AHNAK2: variants seen among roughly 807,000 people sequenced by gnomAD.
The protein encoded by AHNAK2 is protein AHNAK2.
AHNAK2 carries 18 observed loss-of-function variants against 30.7 expected under a neutral mutation model. The observed-to-expected ratio is 0.59, with a 90% CI of 0.41 to 0.87. The LOEUF is 0.87. AHNAK2 is among the 40% of genes least tolerant of loss of function. The pLI is 0.00. For missense variants in AHNAK2, 8,604 were observed against 7,373.0 expected, an observed-to-expected ratio of 1.17 and a Z score of -6.11; for synonymous variants, 3,590 against 3,073.8, an observed-to-expected ratio of 1.17 and a Z score of -5.56.
In AHNAK2 at chr14:104,943,086, G is replaced by A. The variant is rs779320228; in HGVS notation, c.12365C>T (p.Ala4122Val). 8.1e-6 allele frequency: 13 copies of A among 1,613,022 alleles called. 1 individual carries two copies. In the African/African-American group the frequency reaches 1.3e-4, roughly 17 times the overall value. ...GVQLEGDLSL[A>V]DKDVTAKDSK... ...GTCTTTGGCAGTCACATCCTTGTCG[G>A]CCAGGGACAGGTCCCCCTCCAGCTG... The change falls in exon 7 of 7, where the codon GCC becomes GTC. Residue 4122 changes from alanine (A) to valine (V), a missense_variant. Transcript: ENST00000333244.
At position 104,950,394 on chromosome 14, in the gene AHNAK2, G is replaced by A. The variant is rs200117851; in HGVS notation, c.5057C>T (p.Pro1686Leu). ...GAGGCTCACATCAGCTTCCACCTTC[G>A]GCTCAGACACATCCACCGAGGCCTC... is the stretch of plus-strand genomic sequence containing the variant. Reference protein sequence around the residue: ...SIEASVDVSEPKVEADVSLPS... With the variant: ...SIEASVDVSELKVEADVSLPS... Residue 1686 changes from proline (P) to leucine (L), a missense_variant, in exon 7 of 7, where the codon CCG becomes CTG. Coordinates refer to ENST00000333244, the MANE Select transcript of AHNAK2 (RefSeq NM_138420.4). 6.5e-4 allele frequency: 1,036 copies of A among 1,585,056 alleles called. 115 individuals are homozygous for A. The highest frequency in any genetic ancestry group is 3.8e-3 in the African/African-American group (272 of 72,282).
chr14:104,966,766 T>C lies in AHNAK2; in HGVS notation c.56-9094A>G, dbSNP rs1899314238. 6.6e-6 allele frequency among the ~76,000 whole-genome samples: 1 copy of C among 152,028 alleles called. No individual in the cohort carries two copies. The highest frequency in any genetic ancestry group is 2.1e-4 in the South Asian group (1 of 4,822). On this transcript the variant is annotated intron_variant, in intron 1 of 6. Coordinates refer to ENST00000333244, the MANE Select transcript of AHNAK2 (RefSeq NM_138420.4). The surrounding 1 kb of genome is among the most constrained non-coding windows in gnomAD (Gnocchi z 4.3). ...CCAGCCACACCAGACCCACAACAAA[T>C]TCGTGGGACGGGGTGGTGCCAAGGA...
At position 104,944,751 on chromosome 14, in the gene AHNAK2, G is replaced by T. The variant is rs757299016; in HGVS notation, c.10700C>A (p.Pro3567His). The T allele has an allele frequency of 6.2e-7, 1 of 1,612,280 alleles. No homozygotes were observed. The highest frequency in any genetic ancestry group is 1.1e-5 in the South Asian group (1 of 90,864). ...CTGGGGGCCCTTGAGGTCCACTTTG[G>T]GCGTCTTTAAACTGGGCATCTCCAC... Reference protein sequence around the residue: ...PKVEMPSLKTPKVDLKGPQID... With the variant: ...PKVEMPSLKTHKVDLKGPQID... Residue 3567 changes from proline to histidine, a missense_variant, in exon 7 of 7, where the codon CCC (proline) becomes CAC (histidine). Physicochemically the swap from Pro to His is moderately conservative, Grantham distance 77. Transcript: ENST00000333244.
At chr14:104,968,255 G>A (rs1252442482) in intron 1 of AHNAK2, among the ~76,000 whole-genome samples, 1 of 152,202 alleles carries the variant, frequency 6.6e-6, no homozygotes, top group Non-Finnish European at 1.5e-5. Flanking sequence ...AGGGCAGGTG[G>A]GGGTGGTACC....
In AHNAK2 at chr14:104,940,632, G is replaced by T. The variant is rs1273614802; in HGVS notation, c.14819C>A (p.Pro4940His). Residue 4940 changes from proline to histidine, a missense_variant, in exon 7 of 7, where the codon CCT becomes CAT. Coordinates refer to ENST00000333244, the MANE Select transcript of AHNAK2 (RefSeq NM_138420.4). This position sits in a 1 kb window ranked among gnomAD's most constrained non-coding sequence, Gnocchi z 4.4. ...CCCTTCGTGGTCAGCATCTTCAGAAGGGGCTTCTCCAGGGGCCACTACTGA... is the reference window on the plus strand; with the variant it reads ...CCCTTCGTGGTCAGCATCTTCAGAATGGGCTTCTCCAGGGGCCACTACTGA... The part of the protein sequence containing the change: ...QTSVVAPGEA[P>H]SEDADHEGKG... 1.2e-6 allele frequency: 2 copies of T among 1,613,614 alleles called. No individual in the cohort carries two copies. Among genetic ancestry groups the T allele is most frequent in the African/African-American group, 2.7e-5 (2 of 75,034 alleles).
rs1898051992 is a variant in AHNAK2 at position 104,942,717 on chromosome 14, A to C, written c.12734T>G (p.Leu4245Arg). Residue 4245 changes from leucine (L) to arginine (R), a missense_variant, in exon 7 of 7, where the codon CTG becomes CGG. By Grantham distance (102) the Leu-to-Arg change is moderately radical (BLOSUM62 -2). Coordinates refer to ENST00000333244, the MANE Select transcript of AHNAK2 (RefSeq NM_138420.4). ...QVDVKGPKLD[L>R]KGPKADVMTP... ...CATCACATCCGCCTTGGGGCCTTTC[A>C]GGTCCAGCTTGGGGCCCTTGACATC... is the stretch of plus-strand genomic sequence containing the variant. 12 of 1,613,164 alleles carry C rather than the reference A, an allele frequency of 7.4e-6. No homozygotes were observed. Among genetic ancestry groups the C allele is most frequent in the Non-Finnish European group, 1.0e-5 (12 of 1,179,664 alleles).
In AHNAK2 at chr14:104,955,482, C is replaced by A; in HGVS notation, c.466+1G>T. On this transcript the variant is annotated splice_donor_variant, in intron 5 of 6. Coordinates refer to ENST00000333244, the MANE Select transcript of AHNAK2 (RefSeq NM_138420.4). LOFTEE classifies it high-confidence loss of function. ...CCCCAGGGATGGAACTGCCATGGCA[C>A]CTTCTCTCAAGTTAAAAAGCTTGGC... The A allele has an allele frequency of 1.2e-6, 2 of 1,612,422 alleles. No individual in the cohort carries two copies. The highest frequency in any genetic ancestry group is 2.2e-5 in the East Asian group (1 of 44,878).
chr14:104,948,022 T>C lies in AHNAK2; in HGVS notation c.7429A>G (p.Thr2477Ala), dbSNP rs1174150322. 1.2e-6 allele frequency: 2 copies of C among 1,612,198 alleles called. No individual in the cohort carries two copies. The highest frequency in any genetic ancestry group is 1.3e-5 in the African/African-American group (1 of 74,110). ...GDLSVADKDV[T>A]TKDSRFKIPK... ...ATTTTGAACCTGCTGTCTTTGGTAG[T>C]CACATCCTTGTCCGCCACAGACAGG... The change falls in exon 7 of 7, where the codon ACT becomes GCT. Residue 2477 changes from threonine (T) to alanine (A), a missense_variant. Transcript: ENST00000333244.
chr14:104,971,775 C>G (rs200988572), intron 1 of AHNAK2, among the ~76,000 whole-genome samples: 9 of 152,254 alleles, frequency 5.9e-5, no homozygotes, highest in African/African-American at 2.2e-4. Flanking sequence ...AGCTGTGCTA[C>G]GTGTAGCCCC....
chr14:104,948,543 T>C lies in AHNAK2; in HGVS notation c.6908A>G (p.Asp2303Gly), dbSNP rs1898445406. The C allele has an allele frequency of 6.2e-7, 1 of 1,612,080 alleles. No individual in the cohort carries two copies. The highest frequency in any genetic ancestry group is 1.1e-5 in the South Asian group (1 of 91,042). Residue 2303 changes from aspartate to glycine, a missense_variant, in exon 7 of 7, where the codon GAC becomes GGC. Physicochemically the swap from Asp to Gly is moderately conservative, Grantham distance 94. Coordinates refer to ENST00000333244, the MANE Select transcript of AHNAK2 (RefSeq NM_138420.4). ...AKLDGARLEG[D>G]MSLADKDVTA... The stretch of plus-strand genomic sequence containing the variant: ...CACGTCCTTGTCGGCCAGGGACATG[T>C]CCCCCTCCAGCCGCGCACCATCCAG...
rs769622884 is a variant in AHNAK2 at position 104,953,097 on chromosome 14, G to A, written c.2354C>T (p.Ala785Val). ...GPKLDLKGPK[A>V]EVTAPDVKMS... ...CTTCACATCGGGGGCTGTCACTTCCGCCTTGGGGCCTTTCAGGTCCAGCTT... is the reference window on the plus strand; with the variant it reads ...CTTCACATCGGGGGCTGTCACTTCCACCTTGGGGCCTTTCAGGTCCAGCTT... The change falls in exon 7 of 7, where the codon GCG becomes GTG. Residue 785 changes from alanine to valine, a missense_variant. Coordinates refer to ENST00000333244, the MANE Select transcript of AHNAK2 (RefSeq NM_138420.4). The A allele has an allele frequency of 3.2e-5, 52 of 1,612,544 alleles. No homozygotes were observed. Among genetic ancestry groups the A allele is most frequent in the Middle Eastern group, 1.6e-4 (1 of 6,078 alleles).
At position 104,949,940 on chromosome 14, in the gene AHNAK2, G is replaced by C. The variant is rs570414142; in HGVS notation, c.5511C>G (p.Ala1837=). The part of the protein sequence containing the change: ...KFKMPSFGVS[A]PGKSIEASVD... ...CCGAGGCCTCGATGGACTTGCCTGG[G>C]GCAGACACCCCGAACGACGGCATCT... The change falls in exon 7 of 7, where the codon GCC becomes GCG. Residue 1837 remains alanine, a synonymous_variant. Coordinates refer to ENST00000333244, the MANE Select transcript of AHNAK2 (RefSeq NM_138420.4). The C allele has an allele frequency of 3.0e-5, 48 of 1,589,084 alleles. 1 individual carries two copies. In the South Asian group the frequency reaches 5.1e-4, roughly 17 times the overall value.
rs573019021 is a variant in AHNAK2, at chr14:104,967,591, G to T, written c.56-9919C>A. 2.2e-3 allele frequency among the ~76,000 whole-genome samples: 337 copies of T among 152,334 alleles called. 2 individuals are homozygous for T. Among genetic ancestry groups the T allele is most frequent in the African/African-American group, 7.8e-3 (323 of 41,572 alleles). Reference sequence around the variant, plus strand: ...ACTGGCCCACGCGGGACAGTCCCCAGCCCCACCCTCAGCCACCGCACTGGG... The same window carrying T: ...ACTGGCCCACGCGGGACAGTCCCCATCCCCACCCTCAGCCACCGCACTGGG... On this transcript the variant is annotated intron_variant, in intron 1 of 6. Transcript: ENST00000333244.
chr14:104,972,459 G>C (rs1899492282), intron 1 of AHNAK2, among the ~76,000 whole-genome samples: 1 of 152,180 alleles, frequency 6.6e-6, no homozygotes. Context: ...AGGAGACGCT[G>C]GCACAGAGCG....
At chr14:104,963,954 TTCC>T (rs1791294151) in intron 1 of AHNAK2, among the ~76,000 whole-genome samples, 1 of 151,888 alleles carries the variant, frequency 6.6e-6, no homozygotes, top group South Asian at 2.1e-4. Context: ...CTATGGATGG[TTCC>T]TCAAAAAATT....
chr14:104,954,085 G>A lies in AHNAK2; in HGVS notation c.1366C>T (p.Gln456Ter). 2 of 1,613,064 alleles carry A rather than the reference G, an allele frequency of 1.2e-6. No individual in the cohort carries two copies. The highest frequency in any genetic ancestry group is 1.7e-6 in the Non-Finnish European group (2 of 1,179,846). Reference sequence around the variant, plus strand: ...CTGGCGATCCCGATTTCCAGGCTCTGCAGTCCCTCGCCTTCACCCTCCCGG... The same window carrying A: ...CTGGCGATCCCGATTTCCAGGCTCTACAGTCCCTCGCCTTCACCCTCCCGG... ...MSREGEGEGL[Q>*]SLEIGIARLS... Residue 456 changes from glutamine to a stop codon, truncating the protein, a stop_gained, in exon 7 of 7, where the codon CAG (glutamine) becomes TAG (stop). Transcript: ENST00000333244. LOFTEE classifies it low-confidence loss of function (END_TRUNC). This position sits in a 1 kb window ranked among gnomAD's most constrained non-coding sequence, Gnocchi z 4.3.
intron 1 of AHNAK2, among the ~76,000 whole-genome samples, chr14:104,962,173 T>A (rs1292029962): frequency 6.6e-6 from 1 of 151,432 alleles, no homozygotes; most frequent in Non-Finnish European, 1.5e-5. Flanking sequence ...GAGACCAAAC[T>A]GGCACTGGGA....
chr14:104,949,655 C>G lies in AHNAK2; in HGVS notation c.5796G>C (p.Lys1932Asn). The change falls in exon 7 of 7, where the codon AAG (lysine) becomes AAC (asparagine). Residue 1932 changes from lysine (K) to asparagine (N), a missense_variant. Transcript: ENST00000333244. ...CCGCCTTGGGGCCTTTCAGGTCCAG[C>G]TTGGCGCCCTTAACATCTGTCTGGG... ...KGPQTDVKGA[K>N]LDLKGPKAEV... is the part of the protein sequence containing the mutation. The G allele has an allele frequency of 1.3e-6, 2 of 1,587,818 alleles. 1 individual carries two copies. The highest frequency in any genetic ancestry group is 1.7e-6 in the Non-Finnish European group (2 of 1,163,054).
chr14:104,968,317 CG>C (rs1899369876), intron 1 of AHNAK2, among the ~76,000 whole-genome samples: 1 of 145,630 alleles, frequency 6.9e-6, no homozygotes, highest in African/African-American at 2.8e-5. Context: ...GCTGCCTCCC[CG>C]AGAACTGGAC....
Sources: allele counts gnomAD v4.1 joint callset (sites outside exome capture counted in the v4.1 genomes callset), GRCh38; gene constraint gnomAD v4.1.1; non-coding constraint Gnocchi (gnomAD v3.1); transcripts MANE v1.5; gene names NCBI Gene and HGNC (gene_info 2026-07-23, HGNC 2026-07-21).